The following NKAIN2 variants were observed in gnomAD, a reference collection of about 807,000 sequenced individuals.
NKAIN2 encodes sodium/potassium transporting ATPase interacting 2.
A neutral mutation model predicts 32.6 loss-of-function variants in NKAIN2; 14 were observed. The ratio of observed to expected loss-of-function variants is 0.43; its 90% CI spans 0.28 to 0.67. The LOEUF (loss-of-function observed/expected upper bound fraction) is 0.67, where lower values mean the gene tolerates loss of function less well. NKAIN2 is among the 30% of genes least tolerant of loss of function. The pLI is 0.17. For synonymous variants in NKAIN2, 80 were observed against 87.2 expected (o/e 0.92, Z 0.46); for missense variants, 198 against 258.3 (o/e 0.77, Z 1.60).
chr6:124,779,133 G>A (rs1779120983), intron 4 of NKAIN2, among the ~76,000 whole-genome samples: 1 of 151,840 alleles, frequency 6.6e-6, no homozygotes, highest in Non-Finnish European at 1.5e-5. Flanking sequence ...CCAGATACTT[G>A]GGAGGTTTTG....
intron 4 of NKAIN2, among the ~76,000 whole-genome samples, chr6:124,675,413 G>A (rs1405121207): frequency 6.6e-6 from 1 of 152,044 alleles, no homozygotes; most frequent in East Asian, 1.9e-4. Flanking sequence ...TATAAAATGA[G>A]CTTGTAAGTG....
At chr6:124,755,354 C>T (rs868378831) in intron 4 of NKAIN2, among the ~76,000 whole-genome samples, 18 of 152,138 alleles carry the variant, frequency 1.2e-4, no homozygotes, top group African/African-American at 3.9e-4. Context: ...TGCCCAACCA[C>T]GTTGAGGGTG....
Position 123,960,933 on chromosome 6 carries a change from G to A in NKAIN2, c.54+156679G>A, listed in dbSNP as rs145698332. Among the ~76,000 whole-genome samples, 9 of 151,882 alleles carry A rather than the reference G, an allele frequency of 5.9e-5. No individual in the cohort carries two copies. In the East Asian group the frequency reaches 1.4e-3, roughly 23 times the overall value. On this transcript the variant is annotated intron_variant, in intron 1 of 6. Coordinates refer to ENST00000368417, the MANE Select transcript of NKAIN2 (RefSeq NM_001040214.3). ...AAGTTCTTCTGGAGTCAGAGCAGAC[G>A]GAAATATGTCTTCCATTCTGATTCA...
intron 3 of NKAIN2, among the ~76,000 whole-genome samples, chr6:124,399,916 G>A (rs1773555502): frequency 6.6e-6 from 1 of 152,140 alleles, no homozygotes; most frequent in African/African-American, 2.4e-5. Flanking sequence ...TTCTATGAAT[G>A]AATGATAAAC....
chr6:123,844,012 G>A (rs1380988909), intron 1 of NKAIN2, among the ~76,000 whole-genome samples: 2 of 152,134 alleles, frequency 1.3e-5, no homozygotes, highest in African/African-American at 2.4e-5. Context: ...GATAAGTTCC[G>A]CTTTGGAGGT....
intron 1 of NKAIN2, chr6:124,282,391 AT>A (rs1178241576): frequency 4.0e-6 from 1 of 251,012 alleles, no homozygotes; most frequent in Non-Finnish European, 7.8e-6. Context: ...TTGATCTATA[AT>A]ACAACACTAT....
At chr6:123,871,814 A>C (rs950595632) in intron 1 of NKAIN2, among the ~76,000 whole-genome samples, 1 of 152,226 alleles carries the variant, frequency 6.6e-6, no homozygotes, top group African/African-American at 2.4e-5. Context: ...AATTTAAAAC[A>C]TATAAATATT....
At chr6:124,583,017 T>C (rs1365000172) in intron 3 of NKAIN2, among the ~76,000 whole-genome samples, 1 of 152,120 alleles carries the variant, frequency 6.6e-6, no homozygotes. Flanking sequence ...AGTATCATAC[T>C]GAATGGGGAA....
At chr6:124,041,726 A>G (rs971503405) in intron 1 of NKAIN2, among the ~76,000 whole-genome samples, 1 of 152,088 alleles carries the variant, frequency 6.6e-6, no homozygotes, top group Non-Finnish European at 1.5e-5. Flanking sequence ...ATAAAAAGGG[A>G]AAAAAACAGT....
intron 3 of NKAIN2, among the ~76,000 whole-genome samples, chr6:124,582,195 T>C (rs1781548787): frequency 6.6e-6 from 1 of 152,054 alleles, no homozygotes; most frequent in Non-Finnish European, 1.5e-5. Context: ...TTACTACTAA[T>C]ACCAGAAAAA....
intron 1 of NKAIN2, among the ~76,000 whole-genome samples, chr6:123,814,090 T>C (rs555624742): frequency 1.3e-5 from 2 of 152,184 alleles, no homozygotes; most frequent in Admixed American, 6.5e-5. Flanking sequence ...GTAGTATTTA[T>C]GAGTTTGCCT....
rs188454162 is a variant in NKAIN2 at position 123,842,885 on chromosome 6, A to G, written c.54+38631A>G. ...TGGTCCAGTTCTTTATGTGAACTCAAGTAACTAGATCCTGGTCTTATCTAT... is the reference window on the plus strand; with the variant it reads ...TGGTCCAGTTCTTTATGTGAACTCAGGTAACTAGATCCTGGTCTTATCTAT... On this transcript the variant is annotated intron_variant, in intron 1 of 6. Coordinates refer to ENST00000368417, the MANE Select transcript of NKAIN2 (RefSeq NM_001040214.3). Among the ~76,000 whole-genome samples, 263 of 152,244 alleles carry G rather than the reference A, an allele frequency of 1.7e-3. 1 individual carries two copies. The highest frequency in any genetic ancestry group is 5.7e-3 in the African/African-American group (236 of 41,542).
At chr6:124,785,457 A>G (rs140135533) in intron 4 of NKAIN2, among the ~76,000 whole-genome samples, 1 of 152,208 alleles carries the variant, frequency 6.6e-6, no homozygotes, top group Non-Finnish European at 1.5e-5. Context: ...ATGATTAGTA[A>G]TTTTTAATTG....
intron 1 of NKAIN2, among the ~76,000 whole-genome samples, chr6:123,962,967 A>G (rs1214525453): frequency 1.3e-5 from 2 of 152,130 alleles, no homozygotes; most frequent in Non-Finnish European, 2.9e-5. Flanking sequence ...GAACCTGACA[A>G]TAGGTCAGCT....
At chr6:123,820,581 C>CAAA (rs1773882227) in intron 1 of NKAIN2, among the ~76,000 whole-genome samples, 1 of 152,076 alleles carries the variant, frequency 6.6e-6, no homozygotes. Flanking sequence ...AGATGCTTTA[C>CAAA]AGATGAATAA....
intron 1 of NKAIN2, among the ~76,000 whole-genome samples, chr6:124,274,174 T>C (rs1309156332): frequency 6.6e-6 from 1 of 152,194 alleles, no homozygotes; most frequent in Non-Finnish European, 1.5e-5. Context: ...ATTATTCTAT[T>C]AACTGCATTG....
At chr6:124,443,740 A>G (rs999021481) in intron 3 of NKAIN2, among the ~76,000 whole-genome samples, 3 of 152,098 alleles carry the variant, frequency 2.0e-5, no homozygotes, top group African/African-American at 7.2e-5. Flanking sequence ...ACGTGTCATA[A>G]ATTTGTAACT....
intron 1 of NKAIN2, among the ~76,000 whole-genome samples, chr6:123,816,341 C>T (rs901097750): frequency 3.9e-5 from 6 of 151,940 alleles, no homozygotes; most frequent in Non-Finnish European, 8.8e-5. Flanking sequence ...ATCATCAAGG[C>T]GTATGTCCCA....
At chr6:124,580,135 TC>T (rs1233870877) in intron 3 of NKAIN2, among the ~76,000 whole-genome samples, 1 of 152,062 alleles carries the variant, frequency 6.6e-6, no homozygotes, top group African/African-American at 2.4e-5. Flanking sequence ...CAATAAGAAA[TC>T]ATCTGAAGGT....
Sources: allele counts gnomAD v4.1 joint callset (sites outside exome capture counted in the v4.1 genomes callset), GRCh38; gene constraint gnomAD v4.1.1; transcripts MANE v1.5; gene names NCBI Gene and HGNC (gene_info 2026-07-23, HGNC 2026-07-21).